The following PPP4R2 variants were observed in gnomAD, a reference collection of about 807,000 sequenced individuals.
PPP4R2 encodes the protein protein phosphatase 4 regulatory subunit 2, also known as serine/threonine-protein phosphatase 4 regulatory subunit 2.
Under a neutral mutation model 47.2 loss-of-function variants are expected in PPP4R2, and 13 were observed. The observed-to-expected ratio is 0.28, with a 90% CI of 0.18 to 0.44. The LOEUF (loss-of-function observed/expected upper bound fraction) is 0.44. PPP4R2 is among the 20% of genes least tolerant of loss of function. PPP4R2 has a pLI of 1.00. For missense variants in PPP4R2, 421 were observed against 491.2 expected (o/e 0.86, Z 1.35); for synonymous variants, 151 against 163.3 (o/e 0.92, Z 0.57).
chr3:73,030,161 C>T (rs1702141229), intron 2 of PPP4R2, among the ~76,000 whole-genome samples: 1 of 152,054 alleles, frequency 6.6e-6, no homozygotes, highest in Non-Finnish European at 1.5e-5. Flanking sequence ...GGGAATGATC[C>T]ATTATTAGCA....
intron 2 of PPP4R2, among the ~76,000 whole-genome samples, chr3:73,017,043 T>G (rs1701854918): frequency 2.0e-5 from 3 of 152,002 alleles, no homozygotes; most frequent in South Asian, 4.1e-4. Context: ...CCCAGGCTGG[T>G]CCTGAACTCC....
chr3:73,020,521 A>G (rs142639108), intron 2 of PPP4R2, among the ~76,000 whole-genome samples: 31 of 151,130 alleles, frequency 2.1e-4, no homozygotes, highest in Middle Eastern at 6.8e-3. Flanking sequence ...ATGCAAAAAT[A>G]TAGCTGGGTG....
intron 1 of PPP4R2, 56 bp from the exon 2 acceptor site, chr3:72,998,021 G>T: frequency 7.0e-6 from 9 of 1,280,438 alleles, no homozygotes; most frequent in Non-Finnish European, 1.0e-5. Context: ...AGGAAAGTTT[G>T]TTTTTAGAGC....
intron 2 of PPP4R2, among the ~76,000 whole-genome samples, chr3:73,003,052 A>G (rs1053905163): frequency 3.3e-5 from 5 of 152,142 alleles, no homozygotes; most frequent in African/African-American, 9.7e-5. Context: ...CCAACATTAC[A>G]CATCAGAAAG....
chr3:73,007,601 G>A (rs1265946286), intron 2 of PPP4R2, among the ~76,000 whole-genome samples: 1 of 151,838 alleles, frequency 6.6e-6, no homozygotes, highest in African/African-American at 2.4e-5. Flanking sequence ...CGATTCTCCT[G>A]CCTCAGCCTC....
chr3:73,048,258 A>G (rs1694521012), intron 3 of PPP4R2, among the ~76,000 whole-genome samples: 1 of 151,102 alleles, frequency 6.6e-6, no homozygotes, highest in Non-Finnish European at 1.5e-5. Context: ...TTTTTGTTTT[A>G]TTTTGTTTTG....
intron 2 of PPP4R2, 134 bp downstream of exon 2, chr3:72,998,292 T>C (rs970462226): frequency 1.8e-6 from 1 of 569,582 alleles, no homozygotes; most frequent in Non-Finnish European, 3.0e-6. Flanking sequence ...ATTTAAATAA[T>C]TTATATATTT....
intron 3 of PPP4R2, among the ~76,000 whole-genome samples, chr3:73,056,609 C>G (rs1398721782): frequency 1.3e-5 from 2 of 152,068 alleles, no homozygotes; most frequent in African/African-American, 2.4e-5. Context: ...GCTTCTTTTA[C>G]TTTTTGAAAT....
At chr3:73,000,614 T>G (rs1411959846) in intron 2 of PPP4R2, among the ~76,000 whole-genome samples, 2 of 152,200 alleles carry the variant, frequency 1.3e-5, no homozygotes, top group East Asian at 3.8e-4. Flanking sequence ...CTATTAAAAT[T>G]ACCTGTAAAC....
chr3:73,008,276 T>G (rs1170148665), intron 2 of PPP4R2, among the ~76,000 whole-genome samples: 1 of 152,370 alleles, frequency 6.6e-6, no homozygotes, highest in East Asian at 1.9e-4. Flanking sequence ...ATAAGTTGAA[T>G]AGATGCCCTT....
At chr3:73,002,832 TG>T (rs1301279597) in intron 2 of PPP4R2, among the ~76,000 whole-genome samples, 1 of 151,390 alleles carries the variant, frequency 6.6e-6, no homozygotes, top group East Asian at 1.9e-4. Context: ...TTAGTAGAGA[TG>T]GGGTTTCACT....
chr3:73,026,569 A>C (rs1255005937), intron 2 of PPP4R2, among the ~76,000 whole-genome samples: 2 of 152,188 alleles, frequency 1.3e-5, no homozygotes, highest in Non-Finnish European at 1.5e-5. Context: ...TTAGGGATGC[A>C]TATTTGCATT....
At chr3:73,019,237 T>G (rs745889879) in intron 2 of PPP4R2, among the ~76,000 whole-genome samples, 1 of 152,224 alleles carries the variant, frequency 6.6e-6, no homozygotes, top group Non-Finnish European at 1.5e-5. Flanking sequence ...TGGGTTTGTG[T>G]AAGTGCACTC....
Position 73,058,925 on chromosome 3 carries a change from T to C in PPP4R2, c.288-112T>C, listed in dbSNP as rs888652499. On this transcript the variant is annotated intron_variant, in intron 3 of 8. Coordinates refer to ENST00000356692, the MANE Select transcript of PPP4R2 (RefSeq NM_174907.4). ...ATTTCCCTATTATAGCATTTTCTTT[T>C]GTAGCTTAATACATGGGTGACTAGA... The C allele has an allele frequency of 1.1e-5, 7 of 612,016 alleles. No individual in the cohort carries two copies. In the African/African-American group the frequency reaches 1.2e-4, roughly 10 times the overall value. The allele number at this position is 612,016 out of a possible 1,614,324, so 37.9% of individuals were successfully genotyped here.
At position 73,066,921 on chromosome 3, in the gene PPP4R2, C is replaced by T. The variant is rs1176054800; in HGVS notation, c.*1199C>T. The T allele has an allele frequency of 2.0e-5, 3 of 152,038 alleles. No individual in the cohort carries two copies. The highest frequency in any genetic ancestry group is 2.9e-5 in the Non-Finnish European group (2 of 67,950). The allele number at this position is 152,038 out of a possible 1,614,324, so 9.4% of individuals were successfully genotyped here. ...ATCAACACAAAGCACAATGATTACT[C>T]GAAATTCAGTATTTTCAAATTTACA... On this transcript the variant is annotated 3_prime_UTR_variant, in exon 9 of 9. Coordinates refer to ENST00000356692, the MANE Select transcript of PPP4R2 (RefSeq NM_174907.4).
chr3:73,001,486 A>G (rs897439959), intron 2 of PPP4R2, among the ~76,000 whole-genome samples: 11 of 151,162 alleles, frequency 7.3e-5, no homozygotes, highest in Admixed American at 2.0e-4. Flanking sequence ...AGGTAGGAGG[A>G]TCACCTGAGC....
intron 2 of PPP4R2, among the ~76,000 whole-genome samples, chr3:73,036,229 G>T (rs774695846): frequency 2.6e-5 from 4 of 152,092 alleles, no homozygotes; most frequent in African/African-American, 7.2e-5. Context: ...TAGAATGAGG[G>T]TTATCAGAGG....
intron 2 of PPP4R2, among the ~76,000 whole-genome samples, chr3:73,018,446 A>ATGTTATGTT (rs1701889290): frequency 9.5e-6 from 1 of 105,116 alleles, no homozygotes; most frequent in African/African-American, 4.1e-5. Context: ...ATGTTATGTT[A>ATGTTATGTT]TGTTATTTAT....
At chr3:73,055,622 A>G (rs914460692) in intron 3 of PPP4R2, among the ~76,000 whole-genome samples, 5 of 151,322 alleles carry the variant, frequency 3.3e-5, no homozygotes, top group African/African-American at 4.9e-5. Flanking sequence ...CCATTTTACA[A>G]TATGAATAAA....
Sources: gnomAD v4.1 joint callset for allele counts (sites outside exome capture counted in the v4.1 genomes callset) on GRCh38, gnomAD v4.1.1 for gene constraint, MANE v1.5 for transcripts, NCBI Gene and HGNC (gene_info 2026-07-23, HGNC 2026-07-21) for gene names.